COL18A1: variants seen among roughly 807,000 people sequenced by gnomAD.
The protein encoded by COL18A1 is collagen alpha-1(XVIII) chain.
In COL18A1, 133 loss-of-function variants were observed where a neutral mutation model predicts 168.0. The ratio of observed to expected loss-of-function variants is 0.79; its 90% CI spans 0.69 to 0.91. The LOEUF (loss-of-function observed/expected upper bound fraction) is 0.91, where lower values mean the gene tolerates loss of function less well. COL18A1 is among the 40% of genes least tolerant of loss of function. The pLI is 0.00. For missense variants in COL18A1, 2,126 were observed against 1,925.4 expected (o/e 1.10, Z -1.95); for synonymous variants, 949 against 809.0 (o/e 1.17, Z -2.94).
chr21:45,468,185 G>A (rs996247980), intron 2 of COL18A1, 57 bp from the exon 3 acceptor site: 83 of 1,595,298 alleles, frequency 5.2e-5, no homozygotes, highest in Middle Eastern at 3.4e-4. Context: ...AGGCCGCGTC[G>A]GTGGCCCCTG....
At chr21:45,495,479 C>G (rs758343284) in intron 29 of COL18A1, 47 bp downstream of exon 29, 25 of 1,502,214 alleles carry the variant, frequency 1.7e-5, no homozygotes, top group Non-Finnish European at 2.3e-5. Context: ...AGACCAGGAC[C>G]TGGGAATGGC....
chr21:45,483,187 G>A (rs953139764), intron 15 of COL18A1, among the ~76,000 whole-genome samples: 9 of 152,142 alleles, frequency 5.9e-5, no homozygotes, highest in Middle Eastern at 3.4e-3. Context: ...CACAGCAGGT[G>A]GAGAGGCTGC....
intron 2 of COL18A1, among the ~76,000 whole-genome samples, chr21:45,431,722 T>C (rs1042563103): frequency 6.6e-6 from 1 of 151,974 alleles, no homozygotes; most frequent in Non-Finnish European, 1.5e-5. Context: ...CAGCTGGCTC[T>C]CTGCGGCTCT....
chr21:45,445,242 C>G (rs914970329), intron 2 of COL18A1, among the ~76,000 whole-genome samples: 1 of 152,222 alleles, frequency 6.6e-6, no homozygotes, highest in East Asian at 1.9e-4. Context: ...TTCTTCCCCT[C>G]GGCCTGTGGT....
Position 45,493,425 on chromosome 21 carries a change from C to T in COL18A1, c.2278-76C>T, listed in dbSNP as rs977885456. 1.4e-5 allele frequency: 20 copies of T among 1,424,248 alleles called. No homozygotes were observed. The Admixed American group carries it at 3.9e-4, about 28-fold the overall frequency. The allele number at this position is 1,424,248 out of a possible 1,614,324, so 88.2% of individuals were successfully genotyped here. On this transcript the variant is annotated intron_variant, in intron 25 of 41. Transcript: ENST00000651438. ...CCTGCGAGGCCCAGTCACAGCGGCC[C>T]TGCCTTCGGGGCTCTGGGTGAGGCT...
intron 22 of COL18A1, 64 bp downstream of exon 22, chr21:45,491,378 T>TCCC: frequency 1.3e-6 from 1 of 792,920 alleles, no homozygotes; most frequent in Non-Finnish European, 2.0e-6. Flanking sequence ...CAGAGATCCC[T>TCCC]CCCCGAGCCC....
intron 2 of COL18A1, among the ~76,000 whole-genome samples, chr21:45,466,776 G>T (rs775646640): frequency 6.6e-6 from 1 of 152,184 alleles, no homozygotes; most frequent in Non-Finnish European, 1.5e-5. Context: ...GGCAGCTGCC[G>T]CATCTTGCTT....
chr21:45,496,298 G>C (rs1288130623), intron 29 of COL18A1: 1 of 713,524 alleles, frequency 1.4e-6, no homozygotes. Flanking sequence ...CACGACTCCA[G>C]CGTGGGATGA....
intron 6 of COL18A1, 146 bp from the exon 7 acceptor site, chr21:45,477,265 T>C (rs899382438): frequency 1.5e-6 from 1 of 676,262 alleles, no homozygotes; most frequent in Non-Finnish European, 2.7e-6. Context: ...CTCAGGGGAG[T>C]GCGGCCTGAG....
At position 45,423,277 on chromosome 21, in the gene COL18A1, C is replaced by T. The variant is rs998028878; in HGVS notation, c.106+17804C>T. Among the ~76,000 whole-genome samples the T allele has an allele frequency of 2.2e-4, 33 of 152,138 alleles. No homozygotes were observed. The highest frequency in any genetic ancestry group is 1.5e-3 in the Admixed American group (23 of 15,270). On this transcript the variant is annotated intron_variant, in intron 2 of 41. Transcript: ENST00000651438. The surrounding 1 kb of genome is among the most constrained non-coding windows in gnomAD (Gnocchi z 4.0). ...GCTGGTCCAGTTCCCGCGTGTTGGC[C>T]GGTCTGGTCCCTGAGTGTTGGCTGG...
chr21:45,496,534 C>T lies in COL18A1; in HGVS notation c.2543C>T (p.Pro848Leu). Residue 848 changes from proline (P) to leucine (L), a missense_variant, in exon 30 of 42, where the codon CCA becomes CTA. Coordinates refer to ENST00000651438, the MANE Select transcript of COL18A1 (RefSeq NM_001379500.1). ...MPGPPGPPGP[P>L]GPPGTPVYDS... ...GGCCCCCCAGGACCTCCAGGGCCCCCAGGCCCTCCAGGGACTCCTGTTTAC... is the reference window on the plus strand; with the variant it reads ...GGCCCCCCAGGACCTCCAGGGCCCCTAGGCCCTCCAGGGACTCCTGTTTAC... 1.3e-6 allele frequency: 2 copies of T among 1,528,654 alleles called. No individual in the cohort carries two copies. Among genetic ancestry groups the T allele is most frequent in the Non-Finnish European group, 1.8e-6 (2 of 1,103,060 alleles). The allele number at this position is 1,528,654 out of a possible 1,614,324, so 94.7% of individuals were successfully genotyped here.
At position 45,463,548 on chromosome 21, in the gene COL18A1, C is replaced by A. The variant is rs772991766; in HGVS notation, c.107-4694C>A. Among the ~76,000 whole-genome samples the A allele has an allele frequency of 2.0e-4, 31 of 152,248 alleles. No individual in the cohort carries two copies. The highest frequency in any genetic ancestry group is 3.4e-4 in the Non-Finnish European group (23 of 68,042). ...GAGATGGATTCCTGGCGCTTTCCAT[C>A]TGCCATTTACCAGAGTACTCCAGAA... On this transcript the variant is annotated intron_variant, in intron 2 of 41. Coordinates refer to ENST00000651438, the MANE Select transcript of COL18A1 (RefSeq NM_001379500.1). This position sits in a 1 kb window ranked among gnomAD's most constrained non-coding sequence, Gnocchi z 4.0.
chr21:45,455,821 C>T lies in COL18A1; in HGVS notation c.107-12421C>T, dbSNP rs201529109. Reference sequence around the variant, plus strand: ...ATGGCCAGGACACCCCCACTTCTGCCGAGAGCCCGGACGCGCCAGAGGAGA... The same window carrying T: ...ATGGCCAGGACACCCCCACTTCTGCTGAGAGCCCGGACGCGCCAGAGGAGA... On this transcript the variant is annotated intron_variant, in intron 2 of 41. Coordinates refer to ENST00000651438, the MANE Select transcript of COL18A1 (RefSeq NM_001379500.1). The T allele has an allele frequency of 3.8e-5, 62 of 1,613,344 alleles. No individual in the cohort carries two copies. In the Middle Eastern group the frequency reaches 6.6e-4, roughly 17 times the overall value.
At chr21:45,502,582 A>G (rs2036923840) in intron 32 of COL18A1, 1 of 152,244 alleles carries the variant, frequency 6.6e-6, no homozygotes, top group Admixed American at 6.5e-5. Flanking sequence ...AAAAATCCAA[A>G]GTTAATTCTT....
In COL18A1 at chr21:45,468,729, G is replaced by T; in HGVS notation, c.594G>T (p.Glu198Asp). The stretch of plus-strand genomic sequence containing the variant: ...GGTCCTCACGGGGCCTGGAGCTGGA[G>T]CCTGGCGCCGGGCTCTTCGTGGCTC... ...LARSSRGLEL[E>D]PGAGLFVAQA... Residue 198 changes from glutamate to aspartate, a missense_variant, in exon 3 of 42, where the codon GAG becomes GAT. Glu to Asp is a conservative substitution (Grantham distance 45). Transcript: ENST00000651438. 1.2e-6 allele frequency: 2 copies of T among 1,611,386 alleles called. No individual in the cohort carries two copies. Among genetic ancestry groups the T allele is most frequent in the Non-Finnish European group, 1.7e-6 (2 of 1,179,898 alleles).
intron 2 of COL18A1, among the ~76,000 whole-genome samples, chr21:45,444,959 T>G (rs2145826735): frequency 6.6e-6 from 1 of 152,326 alleles, no homozygotes; most frequent in Non-Finnish European, 1.5e-5. Flanking sequence ...TGGGTCTCCC[T>G]TGATTGTTTT....
At chr21:45,493,615 T>C (rs1483388264) in intron 26 of COL18A1, 40 bp downstream of exon 26, 1 of 1,460,626 alleles carries the variant, frequency 6.8e-7, no homozygotes. Flanking sequence ...GCGTGGGGGC[T>C]CCTGGGGCTG....
chr21:45,473,844 G>A lies in COL18A1; in HGVS notation c.652-51G>A. On this transcript the variant is annotated intron_variant, in intron 3 of 41. Transcript: ENST00000651438. This position sits in a 1 kb window ranked among gnomAD's most constrained non-coding sequence, Gnocchi z 4.0. ...CTGGAGCTCAAGCAGCACCGGGGTT[G>A]CCACTGCCACCTCAGGACCGCTGGT... 2 of 1,458,146 alleles carry A rather than the reference G, an allele frequency of 1.4e-6. No individual in the cohort carries two copies. The highest frequency in any genetic ancestry group is 9.4e-7 in the Non-Finnish European group (1 of 1,061,930). 90.3% of individuals were successfully genotyped at this position (1,458,146 alleles called of 1,614,324 possible). A position where few individuals can be genotyped will look rare whatever the true frequency, so the allele number is the denominator to read the frequency against.
chr21:45,469,568 G>A (rs576025867), intron 3 of COL18A1, among the ~76,000 whole-genome samples: 2 of 152,182 alleles, frequency 1.3e-5, no homozygotes, highest in African/African-American at 2.4e-5. Context: ...TTGGGGTTGG[G>A]GGGGTGGACA....
Sources: allele counts gnomAD v4.1 joint callset (sites outside exome capture counted in the v4.1 genomes callset), GRCh38; gene constraint gnomAD v4.1.1; non-coding constraint Gnocchi (gnomAD v3.1); transcripts MANE v1.5; gene names NCBI Gene and HGNC (gene_info 2026-07-23, HGNC 2026-07-21).